The following ERBB4 variants were observed in gnomAD, a reference collection of about 807,000 sequenced individuals.
ERBB4 encodes the protein receptor tyrosine-protein kinase erbB-4.
A neutral mutation model predicts 158.0 loss-of-function variants in ERBB4; 42 were observed. The ratio of observed to expected loss-of-function variants is 0.27; its 90% CI spans 0.21 to 0.34. The LOEUF (loss-of-function observed/expected upper bound fraction) is 0.34. Ranked by LOEUF, ERBB4 falls within the 10% of genes least tolerant of loss-of-function variation. ERBB4 has a pLI of 1.00. For synonymous variants in ERBB4, 583 were observed against 558.7 expected, an observed-to-expected ratio of 1.04 and a Z score of -0.61; for missense variants, 1,333 against 1,624.1, an observed-to-expected ratio of 0.82 and a Z score of 3.08.
At chr2:211,799,800 TAAG>T (rs745970169) in intron 3 of ERBB4, among the ~76,000 whole-genome samples, 1 of 152,162 alleles carries the variant, frequency 6.6e-6, no homozygotes, top group Non-Finnish European at 1.5e-5. Flanking sequence ...GAGGGAAAGA[TAAG>T]AAGAGTTCTC....
At chr2:212,096,852 C>T (rs901706957) in intron 2 of ERBB4, among the ~76,000 whole-genome samples, 1 of 152,106 alleles carries the variant, frequency 6.6e-6, no homozygotes, top group Non-Finnish European at 1.5e-5. Context: ...CTTGAGTGCT[C>T]TGCTATTCAA....
intron 9 of ERBB4, among the ~76,000 whole-genome samples, chr2:211,711,032 A>G (rs2073677905): frequency 6.6e-6 from 1 of 151,634 alleles, no homozygotes; most frequent in Admixed American, 6.6e-5. Context: ...GCAAGTAAAA[A>G]AAAAAAAACA....
intron 1 of ERBB4, among the ~76,000 whole-genome samples, chr2:212,354,049 T>C (rs904636483): frequency 2.0e-5 from 3 of 152,170 alleles, no homozygotes; most frequent in African/African-American, 7.2e-5. Context: ...TTCTGTTCCA[T>C]TTCAGAATAT....
intron 4 of ERBB4, among the ~76,000 whole-genome samples, chr2:211,771,707 G>A (rs911615175): frequency 7.2e-5 from 11 of 152,038 alleles, no homozygotes; most frequent in African/African-American, 1.7e-4. Flanking sequence ...TCTTTCTTGC[G>A]AAGTGTGTGT....
intron 18 of ERBB4, among the ~76,000 whole-genome samples, chr2:211,619,974 C>T (rs1291400218): frequency 1.3e-5 from 2 of 152,014 alleles, no homozygotes; most frequent in African/African-American, 4.8e-5. Context: ...CTTTTCCTAT[C>T]AAAATATAAT....
intron 1 of ERBB4, among the ~76,000 whole-genome samples, chr2:212,523,080 A>G (rs1346221323): frequency 1.3e-5 from 2 of 151,980 alleles, no homozygotes; most frequent in African/African-American, 4.8e-5. Context: ...GAAGGTTTAT[A>G]GTGTAGATCC....
In ERBB4 at chr2:211,909,091, A is replaced by G. The variant is rs1225034646; in HGVS notation, c.421+38339T>C. Among the ~76,000 whole-genome samples, 2 of 151,724 alleles carry G rather than the reference A, an allele frequency of 1.3e-5. 1 individual carries two copies. Among genetic ancestry groups the G allele is most frequent in the East Asian group, 3.9e-4 (2 of 5,118 alleles). ...TAAACAAGTAAGCTACATACCCTGA[A>G]TATTAATGTTCATATATGCTTAGTC... On this transcript the variant is annotated intron_variant, in intron 3 of 27. Coordinates refer to ENST00000342788, the MANE Select transcript of ERBB4 (RefSeq NM_005235.3).
intron 1 of ERBB4, among the ~76,000 whole-genome samples, chr2:212,382,697 G>A (rs1053768511): frequency 6.6e-6 from 1 of 151,106 alleles, no homozygotes. Context: ...AATAACAGCG[G>A]TATTTTTTCT....
intron 1 of ERBB4, among the ~76,000 whole-genome samples, chr2:212,237,811 A>G (rs988353991): frequency 8.5e-5 from 13 of 152,208 alleles, no homozygotes; most frequent in Non-Finnish European, 5.9e-5. Flanking sequence ...GCCTGGCTAC[A>G]TCGGCTTTGC....
In ERBB4 at chr2:211,934,741, C is replaced by T. The variant is rs144484174; in HGVS notation, c.421+12689G>A. 3.2e-3 allele frequency among the ~76,000 whole-genome samples: 483 copies of T among 151,948 alleles called. 2 individuals are homozygous for T. Among genetic ancestry groups the T allele is most frequent in the Non-Finnish European group, 5.4e-3 (369 of 67,908 alleles). ...AAGTCCGTGCCCAATTAGGGCATTTCAATCCACTCTGTTATTATACTTTAT... is the reference window on the plus strand; with the variant it reads ...AAGTCCGTGCCCAATTAGGGCATTTTAATCCACTCTGTTATTATACTTTAT... On this transcript the variant is annotated intron_variant, in intron 3 of 27. Transcript: ENST00000342788.
At chr2:212,446,171 A>G (rs529321357) in intron 1 of ERBB4, among the ~76,000 whole-genome samples, 1 of 152,118 alleles carries the variant, frequency 6.6e-6, no homozygotes, top group African/African-American at 2.4e-5. Context: ...GCAGATCTGT[A>G]TGGGTTCAAG....
chr2:211,717,698 T>C, intron 7 of ERBB4, among the ~76,000 whole-genome samples: 1 of 147,250 alleles, frequency 6.8e-6, no homozygotes, highest in South Asian at 2.2e-4. Context: ...GCGTGGTGGA[T>C]GTGCCTGTAA....
chr2:211,412,948 C>A (rs2063294344), intron 25 of ERBB4, among the ~76,000 whole-genome samples: 1 of 79,394 alleles, frequency 1.3e-5, no homozygotes, highest in South Asian at 6.8e-4. Flanking sequence ...GTGGGACTGT[C>A]TCAAAAAAAA....
intron 1 of ERBB4, among the ~76,000 whole-genome samples, chr2:212,194,539 G>C (rs1467014836): frequency 6.6e-6 from 1 of 151,914 alleles, no homozygotes; most frequent in East Asian, 1.9e-4. Context: ...GACAATACAG[G>C]CTTGTTCATT....
intron 1 of ERBB4, among the ~76,000 whole-genome samples, chr2:212,345,179 T>C (rs1574731873): frequency 6.2e-5 from 9 of 144,878 alleles, no homozygotes; most frequent in Admixed American, 5.2e-4. Context: ...GGCAGGAGAA[T>C]GGCGTGAACC....
intron 1 of ERBB4, among the ~76,000 whole-genome samples, chr2:212,408,521 T>C (rs531988854): frequency 3.7e-4 from 57 of 152,222 alleles, no homozygotes; most frequent in Middle Eastern, 3.4e-3. Flanking sequence ...CACATGCCTG[T>C]AGTCGCAGCT....
intron 2 of ERBB4, among the ~76,000 whole-genome samples, chr2:212,087,160 T>G (rs1435087344): frequency 6.6e-6 from 1 of 151,462 alleles, no homozygotes; most frequent in Non-Finnish European, 1.5e-5. Context: ...TCTTATGACA[T>G]CAACACACAC....
chr2:211,985,896 G>T (rs186644676), intron 2 of ERBB4, among the ~76,000 whole-genome samples: 10 of 152,050 alleles, frequency 6.6e-5, no homozygotes, highest in Admixed American at 5.9e-4. Flanking sequence ...TGTCTGTACT[G>T]GTTTGAATAC....
At chr2:211,556,051 A>G (rs1404047650) in intron 20 of ERBB4, among the ~76,000 whole-genome samples, 1 of 152,156 alleles carries the variant, frequency 6.6e-6, no homozygotes, top group African/African-American at 2.4e-5. Flanking sequence ...ACCCAACTAC[A>G]TGCAATGACA....
Sources: gnomAD v4.1 joint callset for allele counts (sites outside exome capture counted in the v4.1 genomes callset) on GRCh38, gnomAD v4.1.1 for gene constraint, MANE v1.5 for transcripts, NCBI Gene and HGNC (gene_info 2026-07-23, HGNC 2026-07-21) for gene names.